Variants in FGF14 observed in about 807,000 individuals in gnomAD.
The protein encoded by FGF14 is fibroblast growth factor 14.
Under a neutral mutation model 25.5 loss-of-function variants are expected in FGF14, and 5 were observed. The ratio of observed to expected loss-of-function variants is 0.20; its 90% CI spans 0.10 to 0.41. The LOEUF (loss-of-function observed/expected upper bound fraction) is 0.41. FGF14 is among the 10% of genes least tolerant of loss of function. FGF14 has a pLI of 1.00. For missense variants in FGF14, 222 were observed against 320.1 expected (o/e 0.69, Z 2.34); for synonymous variants, 138 against 118.3 (o/e 1.17, Z -1.08).
chr13:102,143,159 C>T (rs2046714635), intron 1 of FGF14, among the ~76,000 whole-genome samples: 1 of 152,070 alleles, frequency 6.6e-6, no homozygotes, highest in African/African-American at 2.4e-5. Context: ...AATAAGAATC[C>T]TTTTTAAGAA....
chr13:101,984,436 T>C (rs1373928711), intron 1 of FGF14, among the ~76,000 whole-genome samples: 6 of 152,198 alleles, frequency 3.9e-5, no homozygotes, highest in African/African-American at 7.2e-5. Context: ...TACTTGATTT[T>C]CAATCTGTTT....
chr13:101,921,469 CT>C (rs2139170683), upstream of FGF14, among the ~76,000 whole-genome samples: 1 of 152,284 alleles, frequency 6.6e-6, no homozygotes, highest in South Asian at 2.1e-4. Context: ...AGGCTGAAAA[CT>C]TTAGTATCAT....
intron 3 of FGF14, among the ~76,000 whole-genome samples, chr13:101,807,539 G>T (rs1027801460): frequency 2.0e-5 from 3 of 152,048 alleles, no homozygotes; most frequent in African/African-American, 7.2e-5. Flanking sequence ...ATTTTGCTGT[G>T]TTGAGCTCTT....
At chr13:101,959,431 G>A (rs1461095831) in intron 1 of FGF14, among the ~76,000 whole-genome samples, 2 of 152,066 alleles carry the variant, frequency 1.3e-5, no homozygotes, top group Non-Finnish European at 2.9e-5. Flanking sequence ...TGGTCTTTGG[G>A]TGAAAAGCAT....
intron 1 of FGF14, among the ~76,000 whole-genome samples, chr13:101,880,782 C>A (rs568476425): frequency 1.3e-5 from 2 of 152,268 alleles, no homozygotes; most frequent in East Asian, 3.9e-4. Flanking sequence ...TAACCTACCA[C>A]GGTGCTTGCC....
At chr13:102,225,595 C>T (rs2050793622) in intron 1 of FGF14, among the ~76,000 whole-genome samples, 1 of 152,120 alleles carries the variant, frequency 6.6e-6, no homozygotes. Flanking sequence ...TTGCTCATTT[C>T]CAGTCACCTC....
At chr13:102,346,000 C>A (rs2057095208) in intron 1 of FGF14, among the ~76,000 whole-genome samples, 1 of 152,252 alleles carries the variant, frequency 6.6e-6, no homozygotes, top group African/African-American at 2.4e-5. Context: ...ATATATAGTT[C>A]TCTACTACAT....
chr13:101,970,150 CAG>C (rs1036560358), intron 1 of FGF14, among the ~76,000 whole-genome samples: 7 of 152,168 alleles, frequency 4.6e-5, no homozygotes, highest in African/African-American at 1.7e-4. Context: ...GACTGAGGCT[CAG>C]AGAGGCTGAA....
intron 3 of FGF14, among the ~76,000 whole-genome samples, chr13:101,863,752 G>A (rs889563118): frequency 2.0e-5 from 3 of 152,260 alleles, no homozygotes; most frequent in Admixed American, 6.5e-5. Flanking sequence ...CTTGAGCAAC[G>A]AAGAGAGGAA....
At chr13:101,907,166 A>G (rs1200364084) in intron 1 of FGF14, among the ~76,000 whole-genome samples, 1 of 152,128 alleles carries the variant, frequency 6.6e-6, no homozygotes, top group African/African-American at 2.4e-5. Context: ...TTTTATAGAG[A>G]CAAGCCACTC....
At chr13:102,108,837 T>C (rs1360491580) in intron 1 of FGF14, among the ~76,000 whole-genome samples, 2 of 152,228 alleles carry the variant, frequency 1.3e-5, no homozygotes, top group East Asian at 1.9e-4. Context: ...ATAATACTTA[T>C]GAGACTCAGA....
At chr13:101,954,853 T>C (rs888977563) in intron 1 of FGF14, among the ~76,000 whole-genome samples, 1 of 152,244 alleles carries the variant, frequency 6.6e-6, no homozygotes, top group Non-Finnish European at 1.5e-5. Context: ...AAGTGGCTGT[T>C]AAACATCTCA....
At chr13:101,755,203 G>A (rs187216128) in intron 3 of FGF14, among the ~76,000 whole-genome samples, 1 of 152,268 alleles carries the variant, frequency 6.6e-6, no homozygotes, top group African/African-American at 2.4e-5. Context: ...AATAGCTCAC[G>A]TTAGCTACGT....
At position 102,123,275 on chromosome 13, in the gene FGF14, A is replaced by C. The variant is rs117520712; in HGVS notation, c.209-247979T>G. On this transcript the variant is annotated intron_variant, in intron 1 of 4. Transcript: ENST00000376131. ...AATGTTTCCTACTAGACTGAGAAGA[A>C]GCTACATTTTCTTTTAAGCACTTTG... Among the ~76,000 whole-genome samples, 445 of 152,320 alleles carry C rather than the reference A, an allele frequency of 2.9e-3. 8 individuals are homozygous for C. Among genetic ancestry groups the C allele is most frequent in the Admixed American group, 0.025 (376 of 15,290 alleles).
intron 1 of FGF14, among the ~76,000 whole-genome samples, chr13:102,105,458 G>C (rs2044861782): frequency 6.6e-6 from 1 of 152,040 alleles, no homozygotes; most frequent in Non-Finnish European, 1.5e-5. Flanking sequence ...TGAAAAAATG[G>C]GGGAAAAATC....
chr13:102,087,358 T>C (rs2043953761), intron 1 of FGF14, among the ~76,000 whole-genome samples: 1 of 151,372 alleles, frequency 6.6e-6, no homozygotes, highest in African/African-American at 2.4e-5. Context: ...TGGGGCAAGA[T>C]TCCTCATGTG....
intron 1 of FGF14, among the ~76,000 whole-genome samples, chr13:101,895,118 A>T (rs922487493): frequency 6.6e-6 from 1 of 152,026 alleles, no homozygotes; most frequent in Admixed American, 6.6e-5. Flanking sequence ...CCATCTCTGG[A>T]CTTCCTTAAA....
At chr13:102,330,995 G>T (rs745998058) in intron 1 of FGF14, among the ~76,000 whole-genome samples, 1 of 152,184 alleles carries the variant, frequency 6.6e-6, no homozygotes, top group Non-Finnish European at 1.5e-5. Context: ...ATTAACACCA[G>T]AGCTTTGGAA....
At chr13:102,264,742 A>C (rs2052901279) in intron 1 of FGF14, among the ~76,000 whole-genome samples, 1 of 152,194 alleles carries the variant, frequency 6.6e-6, no homozygotes, top group Non-Finnish European at 1.5e-5. Flanking sequence ...CTGGAGTCAG[A>C]GAAGTTTCCC....
Sources: gnomAD v4.1 joint callset for allele counts (sites outside exome capture counted in the v4.1 genomes callset) on GRCh38, gnomAD v4.1.1 for gene constraint, MANE v1.5 for transcripts, NCBI Gene and HGNC (gene_info 2026-07-23, HGNC 2026-07-21) for gene names.